SAMMSON: variants seen among roughly 807,000 people sequenced by gnomAD.
The protein encoded by SAMMSON is long intergenic non-protein coding RNA 1212.
intron 2 of SAMMSON, among the ~76,000 whole-genome samples, chr3:70,409,948 C>A (rs542947801): frequency 6.6e-6 from 1 of 152,108 alleles, no homozygotes; most frequent in East Asian, 1.9e-4. Flanking sequence ...TAATACCCAA[C>A]AGTTTTTCAA....
At chr3:70,206,696 T>C in intron 4 of SAMMSON, 1 of 397,962 alleles carries the variant, frequency 2.5e-6, no homozygotes, top group Non-Finnish European at 4.4e-6. Context: ...TTTCCTTGGC[T>C]GGTCCATCTG....
chr3:70,207,496 G>A (rs950035854), intron 4 of SAMMSON, among the ~76,000 whole-genome samples: 2 of 151,976 alleles, frequency 1.3e-5, no homozygotes, highest in Non-Finnish European at 2.9e-5. Flanking sequence ...GGTTTGGAGA[G>A]CCATAGAGAA....
chr3:70,290,468 TCAGA>T (rs1426589264), intron 6 of SAMMSON, among the ~76,000 whole-genome samples: 1 of 152,222 alleles, frequency 6.6e-6, no homozygotes, highest in East Asian at 1.9e-4. Flanking sequence ...TTCAAAGCTG[TCAGA>T]CAGGGACATT....
At chr3:70,392,151 A>G (rs1430085838), downstream of SAMMSON, among the ~76,000 whole-genome samples, 1 of 152,176 alleles carries the variant, frequency 6.6e-6, no homozygotes, top group Non-Finnish European at 1.5e-5. Flanking sequence ...AGGTCTGAAA[A>G]CCATTTAAGT....
chr3:70,244,388 G>A (rs1448543686), intron 4 of SAMMSON, among the ~76,000 whole-genome samples: 1 of 152,142 alleles, frequency 6.6e-6, no homozygotes, highest in African/African-American at 2.4e-5. Flanking sequence ...AGTCTTATGG[G>A]CCTGTCAAAA....
At chr3:70,419,829 G>A (rs1701297287) in intron 2 of SAMMSON, among the ~76,000 whole-genome samples, 1 of 152,092 alleles carries the variant, frequency 6.6e-6, no homozygotes, top group Admixed American at 6.5e-5. Context: ...CAGTAGAGAT[G>A]GGGTTTCACC....
At chr3:70,296,847 T>C (rs1702294445) in intron 7 of SAMMSON, among the ~76,000 whole-genome samples, 1 of 152,236 alleles carries the variant, frequency 6.6e-6, no homozygotes, top group East Asian at 1.9e-4. Flanking sequence ...AAGGCATATG[T>C]AATAATGGCC....
intron 9 of SAMMSON, among the ~76,000 whole-genome samples, chr3:70,382,660 G>A (rs1239914871): frequency 1.3e-5 from 2 of 150,388 alleles, no homozygotes; most frequent in African/African-American, 4.9e-5. Context: ...GCTGATACTT[G>A]TTTAGTAATT....
intron 7 of SAMMSON, among the ~76,000 whole-genome samples, chr3:70,318,540 C>A (rs536761993): frequency 6.6e-6 from 1 of 151,900 alleles, no homozygotes; most frequent in African/African-American, 2.4e-5. Context: ...TACATGATCA[C>A]TATCTTTTCC....
chr3:70,188,570 T>C (rs1282884763), intron 4 of SAMMSON, among the ~76,000 whole-genome samples: 1 of 152,192 alleles, frequency 6.6e-6, no homozygotes, highest in African/African-American at 2.4e-5. Flanking sequence ...TCTCAAAAAG[T>C]TGATATGATG....
At chr3:70,231,316 C>T (rs1559540680) in intron 4 of SAMMSON, among the ~76,000 whole-genome samples, 1 of 152,142 alleles carries the variant, frequency 6.6e-6, no homozygotes, top group African/African-American at 2.4e-5. Flanking sequence ...TTTCCACACC[C>T]AGAGGACCTG....
chr3:70,186,637 G>T (rs541155325), intron 4 of SAMMSON, among the ~76,000 whole-genome samples: 1 of 152,216 alleles, frequency 6.6e-6, no homozygotes, highest in South Asian at 2.1e-4. Context: ...TGATGGCACC[G>T]AATTGAGGGG....
chr3:70,433,371 G>T (rs1701431282), intron 2 of SAMMSON, among the ~76,000 whole-genome samples: 1 of 152,010 alleles, frequency 6.6e-6, no homozygotes, highest in Non-Finnish European at 1.5e-5. Flanking sequence ...GTGTGCACTG[G>T]TATTTTGTTT....
At chr3:70,392,009 A>G (rs1333712029), downstream of SAMMSON, among the ~76,000 whole-genome samples, 2 of 152,142 alleles carry the variant, frequency 1.3e-5, no homozygotes, top group African/African-American at 4.8e-5. Flanking sequence ...AGACAAGCCC[A>G]TCTGCTCACA....
At chr3:70,083,887 A>G (rs1011221162) in intron 4 of SAMMSON, among the ~76,000 whole-genome samples, 2 of 152,096 alleles carry the variant, frequency 1.3e-5, no homozygotes, top group African/African-American at 4.8e-5. Flanking sequence ...GTGAAACTGT[A>G]AGCTGCATTC....
chr3:70,020,329 G>T (rs954966771), intron 3 of SAMMSON, among the ~76,000 whole-genome samples: 1 of 152,044 alleles, frequency 6.6e-6, no homozygotes, highest in East Asian at 1.9e-4. Context: ...CAGGAACATG[G>T]GTCTTCAGGC....
chr3:70,368,283 G>A (rs1702936695), intron 9 of SAMMSON, among the ~76,000 whole-genome samples: 1 of 151,164 alleles, frequency 6.6e-6, no homozygotes, highest in Non-Finnish European at 1.5e-5. Flanking sequence ...TATTTGTGAA[G>A]GTTTTTAATG....
chr3:70,288,012 C>T (rs1039240265), intron 6 of SAMMSON, among the ~76,000 whole-genome samples: 46 of 152,002 alleles, frequency 3.0e-4, no homozygotes, highest in African/African-American at 9.2e-4. Flanking sequence ...AAAACCAGCT[C>T]CTGGATTCAT....
chr3:70,040,918 G>A (rs1478411702), intron 3 of SAMMSON, among the ~76,000 whole-genome samples: 1 of 152,232 alleles, frequency 6.6e-6, no homozygotes, highest in Admixed American at 6.5e-5. Flanking sequence ...TCAATGATTT[G>A]GTCTAAATCC....
Sources: gnomAD v4.1 joint callset for allele counts (sites outside exome capture counted in the v4.1 genomes callset) on GRCh38, gnomAD v4.1.1 for gene constraint, MANE v1.5 for transcripts, NCBI Gene and HGNC (gene_info 2026-07-23, HGNC 2026-07-21) for gene names.